The following EMC2 variants were observed in gnomAD, a reference collection of about 807,000 sequenced individuals.
The protein encoded by EMC2 is ER membrane protein complex subunit 2, also known as TPR repeat protein 35.
A neutral mutation model predicts 51.6 loss-of-function variants in EMC2; 37 were observed. The ratio of observed to expected loss-of-function variants is 0.72; its 90% CI spans 0.55 to 0.94. The LOEUF (loss-of-function observed/expected upper bound fraction) is 0.94. EMC2 is among the 40% of genes least tolerant of loss of function. EMC2 has a pLI of 0.00. For missense variants in EMC2, 359 were observed against 350.9 expected (o/e 1.02, Z -0.18); for synonymous variants, 131 against 112.4 (o/e 1.17, Z -1.04).
At chr8:108,468,574 T>G (rs951321728) in intron 5 of EMC2, among the ~76,000 whole-genome samples, 2 of 152,032 alleles carry the variant, frequency 1.3e-5, no homozygotes, top group Non-Finnish European at 2.9e-5. Context: ...GTCTCTTGAT[T>G]TCTCTAAACT....
chr8:108,463,350 G>A (rs1819377936), intron 5 of EMC2, among the ~76,000 whole-genome samples: 1 of 152,136 alleles, frequency 6.6e-6, no homozygotes, highest in African/African-American at 2.4e-5. Flanking sequence ...GCTACTGTCA[G>A]CCTTTATTTT....
intron 8 of EMC2, among the ~76,000 whole-genome samples, chr8:108,476,436 T>G (rs141340784): frequency 6.6e-6 from 1 of 152,060 alleles, no homozygotes; most frequent in East Asian, 1.9e-4. Context: ...AATTCAATAT[T>G]TAAGTCCACA....
At chr8:108,467,415 C>T (rs1810748620) in intron 5 of EMC2, among the ~76,000 whole-genome samples, 1 of 151,736 alleles carries the variant, frequency 6.6e-6, no homozygotes. Context: ...GTGGCGCAGT[C>T]TCAGCTCACT....
intron 5 of EMC2, 31 bp downstream of exon 5, chr8:108,455,961 T>G (rs1819143163): frequency 9.6e-7 from 1 of 1,045,142 alleles, no homozygotes; most frequent in Non-Finnish European, 1.4e-6. Flanking sequence ...GAAAAAAATC[T>G]AAAGTTTAAT....
chr8:108,451,463 T>G (rs1586176054), intron 3 of EMC2, among the ~76,000 whole-genome samples: 1 of 152,268 alleles, frequency 6.6e-6, no homozygotes, highest in East Asian at 1.9e-4. Flanking sequence ...ATGCTGCCTC[T>G]GTATTTAAAC....
At chr8:108,446,580 A>G (rs1250453817) in intron 1 of EMC2, among the ~76,000 whole-genome samples, 4 of 152,186 alleles carry the variant, frequency 2.6e-5, no homozygotes, top group African/African-American at 9.7e-5. Context: ...GCACTAAAAA[A>G]TGGAATGTCA....
At chr8:108,478,792 TTTTCCC>T (rs1283738270) in intron 9 of EMC2, among the ~76,000 whole-genome samples, 1 of 151,882 alleles carries the variant, frequency 6.6e-6, no homozygotes, top group Non-Finnish European at 1.5e-5. Flanking sequence ...TTAAAATATC[TTTTCCC>T]TTTCCACTAT....
intron 10 of EMC2, among the ~76,000 whole-genome samples, chr8:108,482,646 A>G (rs112132234): frequency 1.1e-4 from 16 of 151,882 alleles, no homozygotes; most frequent in Non-Finnish European, 2.4e-4. Context: ...GTGCAGTGGC[A>G]TGATCATGGC....
At chr8:108,449,731 T>A in intron 1 of EMC2, 92 bp from the exon 2 acceptor site, 4 of 585,700 alleles carry the variant, frequency 6.8e-6, no homozygotes, top group Middle Eastern at 3.2e-4. Flanking sequence ...CCTAAAAAGC[T>A]GATTTTGTCT....
chr8:108,476,767 T>C lies in EMC2; in HGVS notation c.592-15T>C, dbSNP rs763220622. On this transcript the variant is annotated splice_polypyrimidine_tract_variant and intron_variant, in intron 8 of 10. Coordinates refer to ENST00000220853, the MANE Select transcript of EMC2 (RefSeq NM_014673.5). ...GTAAAATAAACAGTTTTCAGCACTT[T>C]GCAATTTTTAACAGGTTAAGTATAC... is the stretch of plus-strand genomic sequence containing the variant. The C allele has an allele frequency of 1.2e-5, 14 of 1,211,590 alleles. No homozygotes were observed. The highest frequency in any genetic ancestry group is 1.7e-5 in the Non-Finnish European group (14 of 814,302). The allele number at this position is 1,211,590 out of a possible 1,614,324, so 75.1% of individuals were successfully genotyped here.
At chr8:108,474,387 C>T (rs144501289) in intron 7 of EMC2, 9 of 151,930 alleles carry the variant, frequency 5.9e-5, no homozygotes, top group African/African-American at 1.9e-4. Context: ...CTTTTCTTTT[C>T]GAGTGATAAA....
chr8:108,476,674 T>G, intron 8 of EMC2, 108 bp from the exon 9 acceptor site: 1 of 563,124 alleles, frequency 1.8e-6, no homozygotes, highest in South Asian at 2.4e-5. Flanking sequence ...TGTATTTGTT[T>G]ACAGAGAATA....
At chr8:108,463,859 A>C (rs536578230) in intron 5 of EMC2, among the ~76,000 whole-genome samples, 1 of 152,144 alleles carries the variant, frequency 6.6e-6, no homozygotes, top group East Asian at 1.9e-4. Flanking sequence ...ATTCACAAAA[A>C]CTGGTAAATG....
chr8:108,480,410 C>T (rs1489064687), intron 10 of EMC2, among the ~76,000 whole-genome samples: 2 of 152,016 alleles, frequency 1.3e-5, no homozygotes, highest in East Asian at 1.9e-4. Context: ...ATTCTATGGC[C>T]GTCTCCTTTT....
intron 5 of EMC2, among the ~76,000 whole-genome samples, chr8:108,462,387 G>A (rs902808328): frequency 6.6e-5 from 10 of 152,130 alleles, no homozygotes; most frequent in African/African-American, 2.4e-4. Flanking sequence ...TGATGAAAAA[G>A]TTTCTTTAAG....
At chr8:108,482,030 C>A (rs892420837) in intron 10 of EMC2, among the ~76,000 whole-genome samples, 1 of 152,072 alleles carries the variant, frequency 6.6e-6, no homozygotes, top group African/African-American at 2.4e-5. Context: ...GTTCTGTATA[C>A]CTTTGAGTGA....
intron 3 of EMC2, among the ~76,000 whole-genome samples, 182 bp downstream of exon 3, chr8:108,450,674 A>C (rs1818996062): frequency 6.6e-6 from 1 of 152,214 alleles, no homozygotes; most frequent in Non-Finnish European, 1.5e-5. Context: ...ATTAGTCCTG[A>C]GAAGTAGCTG....
intron 10 of EMC2, among the ~76,000 whole-genome samples, chr8:108,482,237 C>G (rs1335561858): frequency 1.3e-5 from 2 of 152,122 alleles, no homozygotes; most frequent in Admixed American, 1.3e-4. Context: ...TTGCATGTCC[C>G]TGATGATCAG....
intron 1 of EMC2, among the ~76,000 whole-genome samples, chr8:108,448,447 A>T (rs1209086771): frequency 6.6e-6 from 1 of 152,146 alleles, no homozygotes; most frequent in Admixed American, 6.6e-5. Flanking sequence ...CCACTGTGAG[A>T]TGATTGAATC....
Sources: gnomAD v4.1 joint callset for allele counts (sites outside exome capture counted in the v4.1 genomes callset) on GRCh38, gnomAD v4.1.1 for gene constraint, MANE v1.5 for transcripts, NCBI Gene and HGNC (gene_info 2026-07-23, HGNC 2026-07-21) for gene names.